The following DNAAF5 variants were observed in gnomAD, a reference collection of about 807,000 sequenced individuals.
DNAAF5 encodes the protein dynein axonemal assembly factor 5.
In DNAAF5, 64 loss-of-function variants were observed where a neutral mutation model predicts 75.8. The observed-to-expected ratio is 0.84, with a 90% CI of 0.69 to 1.04. The LOEUF is 1.04. Among genes scored for constraint, DNAAF5 ranks in the 50% least tolerant of loss-of-function variants. The probability of loss-of-function intolerance (pLI) is 0.00; values close to 1 mark genes in which losing one functional copy is unlikely to be tolerated. For synonymous variants in DNAAF5, 657 were observed against 557.2 expected (o/e 1.18, Z -2.52); for missense variants, 1,269 against 1,178.5 (o/e 1.08, Z -1.12).
intron 12 of DNAAF5, among the ~76,000 whole-genome samples, chr7:783,199 C>A (rs1051158323): frequency 6.6e-6 from 1 of 152,224 alleles, no homozygotes; most frequent in Admixed American, 6.5e-5. Flanking sequence ...GTGCACTGCT[C>A]GTCCGTCCGC....
At chr7:770,015 G>A (rs1040596937) in intron 8 of DNAAF5, among the ~76,000 whole-genome samples, 6 of 152,200 alleles carry the variant, frequency 3.9e-5, no homozygotes, top group Non-Finnish European at 8.8e-5. Context: ...GCAGTGGCAC[G>A]ATCTCGGCTC....
chr7:777,351 T>A (rs774791347), intron 11 of DNAAF5, among the ~76,000 whole-genome samples: 1 of 152,126 alleles, frequency 6.6e-6, no homozygotes, highest in African/African-American at 2.4e-5. Context: ...GAAGTGCCGA[T>A]AATAGAACCA....
chr7:757,788 G>A (rs78894144), intron 6 of DNAAF5, among the ~76,000 whole-genome samples: 2,314 of 152,320 alleles, frequency 0.015, 41 homozygotes, highest in East Asian at 0.12. Flanking sequence ...CCCACCAGGC[G>A]GCCGTGCCAT....
At chr7:744,479 G>A (rs1327563029) in intron 4 of DNAAF5, among the ~76,000 whole-genome samples, 1 of 152,176 alleles carries the variant, frequency 6.6e-6, no homozygotes, top group Non-Finnish European at 1.5e-5. Context: ...TGGGTCAAAT[G>A]GTATGTGGGC....
chr7:731,894 A>C (rs1259230933), intron 2 of DNAAF5, among the ~76,000 whole-genome samples: 1 of 151,972 alleles, frequency 6.6e-6, no homozygotes, highest in Non-Finnish European at 1.5e-5. Context: ...CTGGAGCTCC[A>C]TGTGGGCTCC....
intron 8 of DNAAF5, chr7:768,962 C>G: frequency 1.7e-6 from 1 of 578,550 alleles, no homozygotes; most frequent in Non-Finnish European, 3.1e-6. Context: ...TGGCGGGAGG[C>G]TCAAGTCAGG....
intron 4 of DNAAF5, among the ~76,000 whole-genome samples, chr7:753,704 C>T (rs1413538278): frequency 1.4e-5 from 2 of 146,524 alleles, no homozygotes; most frequent in Admixed American, 1.4e-4. Flanking sequence ...GCTTCGCAGG[C>T]GTGTCTCTCT....
Position 744,211 on chromosome 7 carries a change from T to C in DNAAF5, c.1024+2746T>C, listed in dbSNP as rs978183713. On this transcript the variant is annotated intron_variant, in intron 4 of 12. Coordinates refer to ENST00000297440, the MANE Select transcript of DNAAF5 (RefSeq NM_017802.4). ...GGCGTTTGGTTTTTTGTTCTTGCGA[T>C]AGTTTACTGAGAATGATGATTTTGA... 5.3e-5 allele frequency among the ~76,000 whole-genome samples: 8 copies of C among 152,334 alleles called. No individual in the cohort carries two copies. In the East Asian group the frequency reaches 5.8e-4, roughly 11 times the overall value.
At chr7:749,676 C>T (rs868375569) in intron 4 of DNAAF5, among the ~76,000 whole-genome samples, 2 of 152,148 alleles carry the variant, frequency 1.3e-5, no homozygotes, top group Admixed American at 6.5e-5. Context: ...CTGAGTTAGC[C>T]GGGGGTGTTA....
At chr7:732,086 A>G (rs890909195) in intron 2 of DNAAF5, among the ~76,000 whole-genome samples, 1 of 152,208 alleles carries the variant, frequency 6.6e-6, no homozygotes, top group Non-Finnish European at 1.5e-5. Context: ...TCCTCCTTAC[A>G]AGGCTCAGAG....
intron 5 of DNAAF5, among the ~76,000 whole-genome samples, chr7:755,704 C>G (rs139326213): frequency 2.0e-5 from 3 of 152,144 alleles, no homozygotes; most frequent in Non-Finnish European, 4.4e-5. Context: ...ACTCTCCAGC[C>G]TGGGCGACGG....
intron 9 of DNAAF5, chr7:772,004 A>G (rs1157763076): frequency 6.6e-6 from 1 of 152,304 alleles, no homozygotes. Flanking sequence ...TGAAATAGCA[A>G]GTTGGCTCTG....
At position 729,915 on chromosome 7, in the gene DNAAF5, A is replaced by G. The variant is rs549782629; in HGVS notation, c.780+68A>G. ...ACAGGCGGGCTGACGTGCTGTTTTT[A>G]ACTAACTCACTTGTTCTTTTTTCAG... On this transcript the variant is annotated intron_variant, in intron 2 of 12. Coordinates refer to ENST00000297440, the MANE Select transcript of DNAAF5 (RefSeq NM_017802.4). 7.5e-6 allele frequency: 11 copies of G among 1,471,664 alleles called. No individual in the cohort carries two copies. In the Middle Eastern group the frequency reaches 5.3e-4, roughly 70 times the overall value. The allele number at this position is 1,471,664 out of a possible 1,614,324, so 91.2% of individuals were successfully genotyped here.
intron 5 of DNAAF5, among the ~76,000 whole-genome samples, chr7:756,001 G>GGT (rs71020508): frequency 0.74 from 34,289 of 46,648 alleles, 13,042 homozygotes; most frequent in Middle Eastern, 0.85. Context: ...CAGAGGGGCT[G>GGT]GTGTGTGTGA....
chr7:774,567 T>C (rs1778694633), intron 10 of DNAAF5, among the ~76,000 whole-genome samples: 2 of 152,154 alleles, frequency 1.3e-5, no homozygotes. Context: ...CCGCATCGTT[T>C]CTATGAACAC....
chr7:765,988 C>A (rs934436049), intron 8 of DNAAF5, among the ~76,000 whole-genome samples: 9 of 152,222 alleles, frequency 5.9e-5, no homozygotes, highest in African/African-American at 2.2e-4. Flanking sequence ...ACTACCACGC[C>A]TGGCTAATTT....
rs148736043 is a variant in DNAAF5, at chr7:728,841, G to A, written c.596-822G>A. Among the ~76,000 whole-genome samples the A allele has an allele frequency of 1.9e-3, 289 of 152,188 alleles. 1 individual carries two copies. The highest frequency in any genetic ancestry group is 0.019 in the South Asian group (91 of 4,810). ...GGCCTTCCTCTCCCCTGGGTGGGGG[G>A]CCTCACCTCTGGTCTCGGTCACACT... On this transcript the variant is annotated intron_variant, in intron 1 of 12. Coordinates refer to ENST00000297440, the MANE Select transcript of DNAAF5 (RefSeq NM_017802.4).
At chr7:748,465 G>T (rs1782187498) in intron 4 of DNAAF5, among the ~76,000 whole-genome samples, 1 of 152,216 alleles carries the variant, frequency 6.6e-6, no homozygotes, top group Non-Finnish European at 1.5e-5. Context: ...ATTAAATCGA[G>T]TTCTGTGTTT....
In DNAAF5 at chr7:754,311, G is replaced by A. The variant is rs1461489228; in HGVS notation, c.1025-278G>A. ...GGCTAATCTTCCTGTTTTTTATAGA[G>A]ATGGGGTCTTTGCCATGTTGCCCAG... On this transcript the variant is annotated intron_variant, in intron 4 of 12. Transcript: ENST00000297440. This position sits in a 1 kb window ranked among gnomAD's most constrained non-coding sequence, Gnocchi z 4.8. Among the ~76,000 whole-genome samples the A allele has an allele frequency of 6.6e-6, 1 of 152,140 alleles. No homozygotes were observed. Among genetic ancestry groups the A allele is most frequent in the African/African-American group, 2.4e-5 (1 of 41,418 alleles).
Sources: allele counts gnomAD v4.1 joint callset (sites outside exome capture counted in the v4.1 genomes callset), GRCh38; gene constraint gnomAD v4.1.1; non-coding constraint Gnocchi (gnomAD v3.1); transcripts MANE v1.5; gene names NCBI Gene and HGNC (gene_info 2026-07-23, HGNC 2026-07-21).